FAM50B: variants seen among roughly 807,000 people sequenced by gnomAD.
FAM50B encodes family with sequence similarity 50 member B, also known as protein FAM50B.
A neutral mutation model predicts 25.4 loss-of-function variants in FAM50B; 9 were observed. That is an observed-to-expected ratio of 0.35 (90% CI 0.21 to 0.62). The LOEUF is 0.62. Ranked by LOEUF, FAM50B falls within the 20% of genes least tolerant of loss-of-function variation. The pLI is 0.73. For missense variants in FAM50B, 372 were observed against 477.9 expected, an observed-to-expected ratio of 0.78 and a Z score of 2.07; for synonymous variants, 212 against 204.3, an observed-to-expected ratio of 1.04 and a Z score of -0.32.
In FAM50B at chr6:3,850,910, T is replaced by G. The variant is rs560092614; in HGVS notation, c.*121T>G. 371 of 1,427,190 alleles carry G rather than the reference T, an allele frequency of 2.6e-4. 2 individuals carry two copies. In the South Asian group the frequency reaches 4.5e-3, roughly 17 times the overall value. 88.4% of individuals were successfully genotyped at this position (1,427,190 alleles called of 1,614,324 possible). ...CCCAAATTTAATAAAGACAGAGGGTTCTCATGATTCACATTGGTTGTGCTA... is the reference window on the plus strand; with the variant it reads ...CCCAAATTTAATAAAGACAGAGGGTGCTCATGATTCACATTGGTTGTGCTA... On this transcript the variant is annotated 3_prime_UTR_variant, in exon 2 of 2. Transcript: ENST00000648326.
the FAM50B span, among the ~76,000 whole-genome samples, chr6:3,837,259 T>A: frequency 6.6e-6 from 1 of 152,212 alleles, no homozygotes; most frequent in Non-Finnish European, 1.5e-5. Flanking sequence ...AAAATTTTAC[T>A]CTGCAAAAGA....
chr6:3,845,049 T>C (rs964389987), upstream of FAM50B, among the ~76,000 whole-genome samples: 5 of 152,230 alleles, frequency 3.3e-5, no homozygotes, highest in African/African-American at 1.2e-4. Context: ...AGTTTCACCA[T>C]TTGCGTGGGC....
Position 3,851,024 on chromosome 6 carries a change from T to A in FAM50B, c.*235T>A, listed in dbSNP as rs1203257822. The A allele has an allele frequency of 8.0e-6, 5 of 625,108 alleles. No homozygotes were observed. Among genetic ancestry groups the A allele is most frequent in the Admixed American group, 3.2e-5 (1 of 31,114 alleles). 38.7% of individuals were successfully genotyped at this position (625,108 alleles called of 1,614,324 possible). ...GATTTGCTGCATTGCTCTGCTGAGC[T>A]GTATTGAAACCATGACTGGGCCCAC... is the stretch of plus-strand genomic sequence containing the variant. On this transcript the variant is annotated 3_prime_UTR_variant, in exon 2 of 2. Coordinates refer to ENST00000648326, the MANE Select transcript of FAM50B (RefSeq NM_012135.3).
upstream of FAM50B, among the ~76,000 whole-genome samples, chr6:3,844,852 A>C (rs1202407977): frequency 6.6e-6 from 1 of 152,208 alleles, no homozygotes; most frequent in African/African-American, 2.4e-5. Context: ...ATTAATAGTT[A>C]TGTTACTTAT....
chr6:3,846,140 T>C (rs1311795197), upstream of FAM50B, among the ~76,000 whole-genome samples: 1 of 152,096 alleles, frequency 6.6e-6, no homozygotes, highest in Admixed American at 6.6e-5. Context: ...ACAAGGGAAG[T>C]TGGAGTTTTT....
At chr6:3,842,104 C>T in the FAM50B span, among the ~76,000 whole-genome samples, 1 of 152,366 alleles carries the variant, frequency 6.6e-6, no homozygotes, top group South Asian at 2.1e-4. Context: ...CACCATTGTT[C>T]CCTTCCCAGG....
chr6:3,842,595 C>T, the FAM50B span, among the ~76,000 whole-genome samples: 2 of 152,178 alleles, frequency 1.3e-5, no homozygotes, highest in Admixed American at 6.5e-5. Flanking sequence ...AAAGCTATCC[C>T]TCAGGTGATG....
At chr6:3,844,994 C>A (rs1272056145), upstream of FAM50B, among the ~76,000 whole-genome samples, 1 of 152,134 alleles carries the variant, frequency 6.6e-6, no homozygotes, top group Non-Finnish European at 1.5e-5. Flanking sequence ...GGAAGAATAA[C>A]TAGAACAATC....
the FAM50B span, among the ~76,000 whole-genome samples, chr6:3,838,276 A>C: frequency 6.6e-6 from 1 of 151,772 alleles, no homozygotes; most frequent in East Asian, 1.9e-4. Context: ...GCACCACTGC[A>C]CTCCAGCCTG....
At chr6:3,843,883 G>T in the FAM50B span, among the ~76,000 whole-genome samples, 1 of 152,206 alleles carries the variant, frequency 6.6e-6, no homozygotes, top group Admixed American at 6.5e-5. Context: ...TTTGACAACT[G>T]GTTCAGGATA....
At chr6:3,849,725 C>G in intron 1 of FAM50B, 64 bp from the exon 2 acceptor site, 1 of 1,475,634 alleles carries the variant, frequency 6.8e-7, no homozygotes. Context: ...AGGCGCAGAG[C>G]TGAGCATTCC....
upstream of FAM50B, among the ~76,000 whole-genome samples, chr6:3,848,457 C>G (rs1190369410): frequency 6.6e-6 from 1 of 152,166 alleles, no homozygotes; most frequent in Non-Finnish European, 1.5e-5. Flanking sequence ...AGGGCTCACA[C>G]CGTGCTGTTC....
chr6:3,841,312 G>A, the FAM50B span, among the ~76,000 whole-genome samples: 1 of 152,210 alleles, frequency 6.6e-6, no homozygotes, highest in South Asian at 2.1e-4. Flanking sequence ...GGTCCCTGGA[G>A]GATCACGATA....
rs553770846 is a variant in FAM50B, at chr6:3,850,348, A to G, written c.537A>G (p.Lys179=). 3.1e-6 allele frequency: 5 copies of G among 1,613,338 alleles called. No individual in the cohort carries two copies. The African/African-American group carries it at 5.3e-5, about 17-fold the overall frequency. The change falls in exon 2 of 2, where the codon AAA becomes AAG. Residue 179 remains lysine, a synonymous_variant. Coordinates refer to ENST00000648326, the MANE Select transcript of FAM50B (RefSeq NM_012135.3). ...AAGAGTGGGAGGCGCAGCGCGAGAAAGTGAAGGACGAGGAGATGGAGGTCA... is the reference window on the plus strand; with the variant it reads ...AAGAGTGGGAGGCGCAGCGCGAGAAGGTGAAGGACGAGGAGATGGAGGTCA... ...LRQEWEAQRE[K]VKDEEMEVTF...
the FAM50B span, among the ~76,000 whole-genome samples, chr6:3,842,754 T>C: frequency 6.6e-6 from 1 of 152,228 alleles, no homozygotes; most frequent in South Asian, 2.1e-4. Context: ...AAACACCCCA[T>C]AATTTTATTT....
At chr6:3,839,483 A>G in the FAM50B span, among the ~76,000 whole-genome samples, 41 of 152,284 alleles carry the variant, frequency 2.7e-4, no homozygotes, top group East Asian at 3.9e-3. Context: ...TGCCAGGGGC[A>G]GCGATGGGGA....
chr6:3,849,887 G>A lies in FAM50B; in HGVS notation c.76G>A (p.Glu26Lys). The A allele has an allele frequency of 6.2e-7, 1 of 1,613,770 alleles. No homozygotes were observed. Among genetic ancestry groups the A allele is most frequent in the Non-Finnish European group, 8.5e-7 (1 of 1,180,000 alleles). Reference sequence around the variant, plus strand: ...CCTCAAGAAGCGCGAAAGGCAGCGGGAGCAGATGGAGGTGCTGAAGCAGCG... The same window carrying A: ...CCTCAAGAAGCGCGAAAGGCAGCGGAAGCAGATGGAGGTGCTGAAGCAGCG... ...HLLKKRERQR[E>K]QMEVLKQRIA... Residue 26 changes from glutamate to lysine, a missense_variant, in exon 2 of 2, where the codon GAG becomes AAG. Glu to Lys is a moderately conservative substitution (Grantham distance 56). This residue lies in a region of FAM50B where 64 missense variants were observed against 118.3 expected (regional missense o/e 0.54). Coordinates refer to ENST00000648326, the MANE Select transcript of FAM50B (RefSeq NM_012135.3).
At chr6:3,837,560 A>T in the FAM50B span, among the ~76,000 whole-genome samples, 17 of 152,002 alleles carry the variant, frequency 1.1e-4, no homozygotes, top group South Asian at 4.2e-4. Context: ...ACCAAAATAT[A>T]AAAAAAATGC....
chr6:3,840,993 A>G, the FAM50B span, among the ~76,000 whole-genome samples: 2 of 152,246 alleles, frequency 1.3e-5, no homozygotes, highest in Non-Finnish European at 2.9e-5. Context: ...AATTAAAGCA[A>G]TGAATGGCAA....
Sources: gnomAD v4.1 joint callset for allele counts (sites outside exome capture counted in the v4.1 genomes callset) on GRCh38, gnomAD v4.1.1 for gene constraint, gnomAD v4.1.1 regional missense constraint, MANE v1.5 for transcripts, NCBI Gene and HGNC (gene_info 2026-07-23, HGNC 2026-07-21) for gene names.